The following DCUN1D2 variants were observed in gnomAD, a reference collection of about 807,000 sequenced individuals.
DCUN1D2 encodes the protein DCN1-like protein 2.
A neutral mutation model predicts 30.9 loss-of-function variants in DCUN1D2; 29 were observed. The ratio of observed to expected loss-of-function variants is 0.94; its 90% CI spans 0.70 to 1.28. The LOEUF is 1.28. DCUN1D2 is among the 50% of genes most tolerant of loss of function. The pLI, the probability that DCUN1D2 is intolerant of heterozygous loss-of-function variation, is 0.00. For missense variants in DCUN1D2, 325 were observed against 316.9 expected (o/e 1.03, Z -0.19); for synonymous variants, 121 against 115.3 (o/e 1.05, Z -0.32).
chr13:113,465,509 AAAAC>A (rs1046275835), intron 4 of DCUN1D2, among the ~76,000 whole-genome samples: 9 of 151,634 alleles, frequency 5.9e-5, no homozygotes, highest in Non-Finnish European at 1.2e-4. Flanking sequence ...TAAAAAAAAA[AAAAC>A]AAACAAACCC....
chr13:113,471,708 G>GT (rs1393242702), intron 4 of DCUN1D2, among the ~76,000 whole-genome samples: 4 of 152,210 alleles, frequency 2.6e-5, no homozygotes, highest in Admixed American at 6.5e-5. Flanking sequence ...TCATCATTCT[G>GT]TTTGACAATA....
chr13:113,473,195 T>C (rs534294058), intron 4 of DCUN1D2, among the ~76,000 whole-genome samples: 23 of 151,190 alleles, frequency 1.5e-4, no homozygotes, highest in African/African-American at 5.1e-4. Flanking sequence ...CCCGTGTCTC[T>C]GCCCTTCTGT....
At chr13:113,489,130 GTAAGTT>G in intron 1 of DCUN1D2, 2 of 981,746 alleles carry the variant, frequency 2.0e-6, no homozygotes, top group Non-Finnish European at 2.4e-6. Flanking sequence ...AATAAACTAC[GTAAGTT>G]TATGGATCAC....
At chr13:113,473,726 G>A (rs778801517) in intron 4 of DCUN1D2, among the ~76,000 whole-genome samples, 8 of 152,340 alleles carry the variant, frequency 5.3e-5, no homozygotes, top group East Asian at 3.9e-4. Flanking sequence ...CAGCTGGGCC[G>A]GCCGCAGTGG....
At chr13:113,481,044 G>A (rs1425064932) in intron 2 of DCUN1D2, among the ~76,000 whole-genome samples, 1 of 151,812 alleles carries the variant, frequency 6.6e-6, no homozygotes, top group East Asian at 1.9e-4. Context: ...TCCCTAAAGT[G>A]AAATAAAAAT....
At chr13:113,462,437 G>C (rs1446539927) in intron 4 of DCUN1D2, among the ~76,000 whole-genome samples, 1 of 152,108 alleles carries the variant, frequency 6.6e-6, no homozygotes, top group Non-Finnish European at 1.5e-5. Context: ...TAAATGCAAA[G>C]TACATAACTA....
chr13:113,469,799 A>G (rs2044471606), intron 4 of DCUN1D2, among the ~76,000 whole-genome samples: 1 of 152,118 alleles, frequency 6.6e-6, no homozygotes, highest in Non-Finnish European at 1.5e-5. Flanking sequence ...TGATCGCGCC[A>G]CTCCACTCCA....
At chr13:113,474,934 T>C (rs1186028121) in intron 3 of DCUN1D2, among the ~76,000 whole-genome samples, 1 of 152,240 alleles carries the variant, frequency 6.6e-6, no homozygotes, top group African/African-American at 2.4e-5. Context: ...CTATGTTGTT[T>C]TAGAATTGAA....
At chr13:113,472,380 G>A (rs1022148847) in intron 4 of DCUN1D2, among the ~76,000 whole-genome samples, 10 of 152,216 alleles carry the variant, frequency 6.6e-5, no homozygotes, top group Admixed American at 3.9e-4. Flanking sequence ...ACCAGTTTCC[G>A]CTAAAAGAAA....
intron 5 of DCUN1D2, among the ~76,000 whole-genome samples, chr13:113,460,064 A>G (rs911922773): frequency 6.6e-6 from 1 of 152,250 alleles, no homozygotes; most frequent in Non-Finnish European, 1.5e-5. Context: ...GGTAAGGCGT[A>G]AGGGGGCTGT....
chr13:113,465,626 C>A (rs544810860), intron 4 of DCUN1D2, among the ~76,000 whole-genome samples: 7 of 151,440 alleles, frequency 4.6e-5, no homozygotes, highest in Non-Finnish European at 1.0e-4. Context: ...CGAAGGAGCT[C>A]ATCTCAAGTC....
intron 3 of DCUN1D2, among the ~76,000 whole-genome samples, chr13:113,474,817 T>C (rs1249306188): frequency 1.3e-5 from 2 of 152,204 alleles, no homozygotes; most frequent in Non-Finnish European, 2.9e-5. Context: ...CTCTGTCCCA[T>C]CATACAAGCG....
intron 3 of DCUN1D2, among the ~76,000 whole-genome samples, chr13:113,477,704 T>C (rs2044641230): frequency 7.2e-6 from 1 of 139,198 alleles, no homozygotes; most frequent in Admixed American, 7.1e-5. Flanking sequence ...TTCTATGAGT[T>C]TTTTTTTTTT....
chr13:113,478,470 C>T (rs2044654738), intron 3 of DCUN1D2, among the ~76,000 whole-genome samples: 1 of 151,958 alleles, frequency 6.6e-6, no homozygotes, highest in Non-Finnish European at 1.5e-5. Flanking sequence ...CTAATGACAA[C>T]TTCTTTTCTA....
chr13:113,459,229 G>A, intron 6 of DCUN1D2, 83 bp downstream of exon 6: 1 of 770,664 alleles, frequency 1.3e-6, no homozygotes, highest in Non-Finnish European at 2.4e-6. Flanking sequence ...TCAGTGACGG[G>A]GTCACCACTC....
At chr13:113,479,884 T>C (rs2044677978) in intron 3 of DCUN1D2, among the ~76,000 whole-genome samples, 1 of 152,206 alleles carries the variant, frequency 6.6e-6, no homozygotes, top group Admixed American at 6.5e-5. Flanking sequence ...AGTAGGTTTG[T>C]CTGTGCCAGC....
chr13:113,483,413 C>A (rs182401496), intron 2 of DCUN1D2, among the ~76,000 whole-genome samples: 1 of 152,336 alleles, frequency 6.6e-6, no homozygotes, highest in East Asian at 1.9e-4. Context: ...CACTTCAGAT[C>A]ATCTTCATGA....
At chr13:113,480,916 C>T (rs2044697176) in intron 2 of DCUN1D2, among the ~76,000 whole-genome samples, 173 bp from the exon 3 acceptor site, 1 of 151,256 alleles carries the variant, frequency 6.6e-6, no homozygotes, top group South Asian at 2.1e-4. Context: ...TAGTGAGCAA[C>T]TAATAATTTA....
chr13:113,473,513 G>C (rs1047510383), intron 4 of DCUN1D2, among the ~76,000 whole-genome samples: 9 of 152,210 alleles, frequency 5.9e-5, no homozygotes, highest in Non-Finnish European at 1.3e-4. Flanking sequence ...TGCGGGCTGG[G>C]TCTATGTGGC....
Sources: gnomAD v4.1 joint callset for allele counts (sites outside exome capture counted in the v4.1 genomes callset) on GRCh38, gnomAD v4.1.1 for gene constraint, MANE v1.5 for transcripts, NCBI Gene and HGNC (gene_info 2026-07-23, HGNC 2026-07-21) for gene names.